The following ADAMTS17 variants were observed in gnomAD, a reference collection of about 807,000 sequenced individuals.
ADAMTS17 encodes the protein A disintegrin and metalloproteinase with thrombospondin motifs 17.
Under a neutral mutation model 141.5 loss-of-function variants are expected in ADAMTS17, and 113 were observed. The observed-to-expected ratio is 0.80, with a 90% confidence interval of 0.69 to 0.93. The LOEUF is 0.93. Among genes scored for constraint, ADAMTS17 ranks in the 40% least tolerant of loss-of-function variants. The probability of loss-of-function intolerance (pLI) is 0.00; values close to 1 mark genes in which losing one functional copy is unlikely to be tolerated. For synonymous variants in ADAMTS17, 768 were observed against 630.6 expected (o/e 1.22, Z -3.27); for missense variants, 1,659 against 1,517.9 (o/e 1.09, Z -1.54).
At position 99,981,948 on chromosome 15, in the gene ADAMTS17, A is replaced by G. The variant is rs375717066; in HGVS notation, c.2950-5726T>C. On this transcript the variant is annotated intron_variant, in intron 20 of 21. Transcript: ENST00000268070. Reference sequence around the variant, plus strand: ...CTCTCCTAAAGCAGAGTTTTGATGGAGAGGCCATGCAGTGCGGGGTGTCAG... The same window carrying G: ...CTCTCCTAAAGCAGAGTTTTGATGGGGAGGCCATGCAGTGCGGGGTGTCAG... Among the ~76,000 whole-genome samples the G allele has an allele frequency of 2.8e-4, 43 of 152,290 alleles. 2 individuals are homozygous for G. In the South Asian group the frequency reaches 8.1e-3, roughly 29 times the overall value.
At chr15:100,012,866 G>T (rs908389827) in intron 18 of ADAMTS17, among the ~76,000 whole-genome samples, 4 of 152,156 alleles carry the variant, frequency 2.6e-5, no homozygotes, top group African/African-American at 9.7e-5. Flanking sequence ...TGGCTATGCA[G>T]GCTCTTTTTT....
At chr15:100,289,016 A>G (rs1284233177) in intron 3 of ADAMTS17, among the ~76,000 whole-genome samples, 8 of 152,208 alleles carry the variant, frequency 5.3e-5, no homozygotes, top group Admixed American at 5.2e-4. Context: ...GCTGAACTGA[A>G]TAAAATTGAG....
intron 8 of ADAMTS17, 118 bp from the exon 9 acceptor site, chr15:100,155,438 T>C (rs553924463): frequency 1.4e-6 from 2 of 1,416,280 alleles, no homozygotes; most frequent in South Asian, 2.5e-5. Context: ...GGACGTAACG[T>C]GAAAGTGGTT....
At chr15:100,062,769 T>A (rs1404601438) in intron 15 of ADAMTS17, among the ~76,000 whole-genome samples, 1 of 152,152 alleles carries the variant, frequency 6.6e-6, no homozygotes, top group Non-Finnish European at 1.5e-5. Flanking sequence ...GGCTGAGAGA[T>A]GATGACATGA....
chr15:100,140,533 G>A (rs1447263089), intron 10 of ADAMTS17, among the ~76,000 whole-genome samples: 2 of 119,278 alleles, frequency 1.7e-5, no homozygotes, highest in Non-Finnish European at 3.9e-5. Flanking sequence ...TGGAATGTAT[G>A]AATGGGATGA....
At chr15:100,227,069 C>T (rs1164003843) in intron 7 of ADAMTS17, among the ~76,000 whole-genome samples, 1 of 152,190 alleles carries the variant, frequency 6.6e-6, no homozygotes, top group African/African-American at 2.4e-5. Context: ...TCTCCTCCCT[C>T]CCACCATGAT....
At chr15:100,109,175 G>A (rs2036590416) in intron 13 of ADAMTS17, 59 bp from the exon 14 acceptor site, 12 of 1,558,946 alleles carry the variant, frequency 7.7e-6, no homozygotes, top group South Asian at 1.2e-5. Context: ...GCCATGCAGG[G>A]CACAGGTACA....
At chr15:100,049,928 C>A (rs1230546447) in intron 17 of ADAMTS17, among the ~76,000 whole-genome samples, 1 of 152,192 alleles carries the variant, frequency 6.6e-6, no homozygotes, top group Non-Finnish European at 1.5e-5. Context: ...TGGCAGGTGG[C>A]TAACACTTCA....
intron 8 of ADAMTS17, among the ~76,000 whole-genome samples, chr15:100,186,212 A>G (rs1275605602): frequency 6.6e-6 from 1 of 152,158 alleles, no homozygotes; most frequent in East Asian, 1.9e-4. Context: ...CATCCTGTAC[A>G]TTAGTTGATC....
intron 15 of ADAMTS17, chr15:100,074,239 A>C (rs183745066): frequency 6.6e-6 from 1 of 152,564 alleles, no homozygotes; most frequent in Non-Finnish European, 1.5e-5. Flanking sequence ...AAAATGTCAA[A>C]TATTCCTGGA....
At position 100,053,986 on chromosome 15, in the gene ADAMTS17, T is replaced by A; in HGVS notation, c.2206A>T (p.Ile736Phe). 6.2e-7 allele frequency: 1 copy of A among 1,614,164 alleles called. No homozygotes were observed. The highest frequency in any genetic ancestry group is 8.5e-7 in the Non-Finnish European group (1 of 1,180,024). ...ACATAGCGAACAGTTGTGCCTGCAA[T>A]CTGGAACTCTCCGGGGAGCTCTATC... The part of the protein sequence containing the change: ...WKIELPGEFQ[I>F]AGTTVRYVRR... Residue 736 changes from isoleucine to phenylalanine, a missense_variant, in exon 16 of 22, where the codon ATT (isoleucine) becomes TTT (phenylalanine). Physicochemically the swap from Ile to Phe is conservative, Grantham distance 21. Coordinates refer to ENST00000268070, the MANE Select transcript of ADAMTS17 (RefSeq NM_139057.4).
chr15:100,156,893 A>T (rs546706584), intron 8 of ADAMTS17, among the ~76,000 whole-genome samples: 1 of 152,238 alleles, frequency 6.6e-6, no homozygotes, highest in African/African-American at 2.4e-5. Context: ...TTGTGTGAGG[A>T]AAGTGTATTA....
At chr15:100,298,776 GACC>G (rs2044917214) in intron 3 of ADAMTS17, among the ~76,000 whole-genome samples, 1 of 152,270 alleles carries the variant, frequency 6.6e-6, no homozygotes, top group African/African-American at 2.4e-5. Context: ...AAATAAAGGA[GACC>G]ACCACATTTT....
At chr15:100,122,802 T>A (rs1378576831) in intron 12 of ADAMTS17, among the ~76,000 whole-genome samples, 2 of 152,156 alleles carry the variant, frequency 1.3e-5, no homozygotes, top group Non-Finnish European at 2.9e-5. Flanking sequence ...CTCATCATCT[T>A]CACATTGAGT....
chr15:100,134,785 C>G (rs2038239840), intron 10 of ADAMTS17, among the ~76,000 whole-genome samples: 1 of 152,180 alleles, frequency 6.6e-6, no homozygotes, highest in African/African-American at 2.4e-5. Flanking sequence ...TATGTCGGAG[C>G]TGATCTGTGC....
At chr15:100,102,339 AAGGGGATCTACATTTGAGGGCCAACCG>A (rs1325818783) in intron 14 of ADAMTS17, among the ~76,000 whole-genome samples, 2 of 133,646 alleles carry the variant, frequency 1.5e-5, no homozygotes, top group African/African-American at 3.1e-5. Context: ...GGGCCGACCG[AAGGGGATCTACATTTGAGGGCCAACCG>A]AAGGGGATCT....
intron 7 of ADAMTS17, among the ~76,000 whole-genome samples, chr15:100,238,691 T>C (rs1279616887): frequency 1.3e-5 from 2 of 152,214 alleles, no homozygotes; most frequent in Non-Finnish European, 2.9e-5. Context: ...GCTCTGTCAC[T>C]CGCGAGTGGC....
At chr15:99,988,196 C>T (rs1055898536) in intron 20 of ADAMTS17, among the ~76,000 whole-genome samples, 113 of 152,152 alleles carry the variant, frequency 7.4e-4, no homozygotes, top group African/African-American at 2.5e-3. Flanking sequence ...TGTCCCCCAA[C>T]GTTGGAGGTG....
Position 99,974,211 on chromosome 15 carries a change from GCC to G in ADAMTS17, c.*189_*190del. 1.5e-6 allele frequency: 1 copy of G among 679,772 alleles called. No individual in the cohort carries two copies. The highest frequency in any genetic ancestry group is 2.7e-5 in the East Asian group (1 of 36,462). The allele number at this position is 679,772 out of a possible 1,614,324, so 42.1% of individuals were successfully genotyped here. A position where few individuals can be genotyped will look rare whatever the true frequency, so the allele number is the denominator to read the frequency against. On this transcript the variant is annotated 3_prime_UTR_variant, in exon 22 of 22. Transcript: ENST00000268070. ...GCCTACTTTCTCCTCACTGTAGAAA[GCC>G]AGCCAGTGGCTGTTAACAATATATT...
Sources: allele counts gnomAD v4.1 joint callset (sites outside exome capture counted in the v4.1 genomes callset), GRCh38; gene constraint gnomAD v4.1.1; transcripts MANE v1.5; gene names NCBI Gene and HGNC (gene_info 2026-07-23, HGNC 2026-07-21).